The following NCKAP5 variants were observed in gnomAD, a reference collection of about 807,000 sequenced individuals.
NCKAP5 encodes NCK associated protein 5.
A neutral mutation model predicts 167.0 loss-of-function variants in NCKAP5; 92 were observed. The ratio of observed to expected loss-of-function variants is 0.55; its 90% CI spans 0.47 to 0.66. The LOEUF (loss-of-function observed/expected upper bound fraction) is 0.66. NCKAP5 is among the 30% of genes least tolerant of loss of function. The pLI is 0.00. For synonymous variants in NCKAP5, 891 were observed against 877.4 expected, an observed-to-expected ratio of 1.02 and a Z score of -0.27; for missense variants, 2,378 against 2,315.0, an observed-to-expected ratio of 1.03 and a Z score of -0.56.
intron 6 of NCKAP5, among the ~76,000 whole-genome samples, chr2:133,109,639 A>T (rs1476091292): frequency 6.6e-6 from 1 of 152,184 alleles, no homozygotes; most frequent in Non-Finnish European, 1.5e-5. Context: ...AGTAATTTAG[A>T]GTTTGATATT....
chr2:133,038,213 A>C (rs2079098443), intron 6 of NCKAP5, among the ~76,000 whole-genome samples: 1 of 152,202 alleles, frequency 6.6e-6, no homozygotes, highest in Non-Finnish European at 1.5e-5. Flanking sequence ...ATTTGGAAGG[A>C]ACTGAAGTGT....
At chr2:132,982,212 ATC>A (rs2077162779) in intron 7 of NCKAP5, among the ~76,000 whole-genome samples, 1 of 152,224 alleles carries the variant, frequency 6.6e-6, no homozygotes, top group Non-Finnish European at 1.5e-5. Flanking sequence ...ATCATACATT[ATC>A]TCTGATTGTT....
chr2:133,650,769 C>T, the NCKAP5 span, among the ~76,000 whole-genome samples: 2 of 152,052 alleles, frequency 1.3e-5, no homozygotes, highest in Admixed American at 1.3e-4. Flanking sequence ...GTAATCCCAG[C>T]TACTCAGGAG....
intron 6 of NCKAP5, among the ~76,000 whole-genome samples, chr2:133,093,386 GC>G (rs969628086): frequency 6.6e-6 from 1 of 152,150 alleles, no homozygotes; most frequent in Non-Finnish European, 1.5e-5. Context: ...AAACAGCAGT[GC>G]CTGAATACCA....
intron 3 of NCKAP5, among the ~76,000 whole-genome samples, chr2:133,458,673 T>C (rs1277349269): frequency 1.3e-5 from 2 of 152,110 alleles, no homozygotes; most frequent in Non-Finnish European, 2.9e-5. Context: ...ATTGTTGTTA[T>C]ATACACCTCC....
intron 3 of NCKAP5, among the ~76,000 whole-genome samples, chr2:133,464,603 T>C (rs1419365546): frequency 1.3e-5 from 2 of 152,156 alleles, no homozygotes; most frequent in Non-Finnish European, 2.9e-5. Flanking sequence ...GACAGGAGAA[T>C]GGTGTGAACC....
intron 3 of NCKAP5, among the ~76,000 whole-genome samples, chr2:133,360,621 G>A (rs1022948547): frequency 1.3e-5 from 2 of 152,088 alleles, no homozygotes; most frequent in Non-Finnish European, 2.9e-5. Context: ...GGGAGCCAAT[G>A]AAGTACCCTC....
chr2:133,452,513 T>A (rs1691611617), intron 3 of NCKAP5, among the ~76,000 whole-genome samples: 1 of 152,194 alleles, frequency 6.6e-6, no homozygotes, highest in Admixed American at 6.5e-5. Flanking sequence ...AAATTTCATT[T>A]GTAACTATGC....
At chr2:132,909,198 T>C (rs1694240446) in intron 8 of NCKAP5, among the ~76,000 whole-genome samples, 1 of 152,014 alleles carries the variant, frequency 6.6e-6, no homozygotes, top group Non-Finnish European at 1.5e-5. Flanking sequence ...ATGCACAAAT[T>C]AGCTACGTGT....
At chr2:132,734,420 C>A (rs1691314886) in intron 16 of NCKAP5, among the ~76,000 whole-genome samples, 1 of 152,122 alleles carries the variant, frequency 6.6e-6, no homozygotes, top group Non-Finnish European at 1.5e-5. Flanking sequence ...AGAACCGACT[C>A]AGTCTTTGAA....
chr2:133,185,531 C>A (rs74991422), intron 5 of NCKAP5, among the ~76,000 whole-genome samples: 286 of 152,040 alleles, frequency 1.9e-3, no homozygotes, highest in African/African-American at 6.7e-3. Context: ...AGAAACAGCA[C>A]TGAACCTATA....
intron 19 of NCKAP5, among the ~76,000 whole-genome samples, chr2:132,708,949 G>A (rs1177050479): frequency 1.3e-5 from 2 of 152,052 alleles, no homozygotes; most frequent in African/African-American, 4.8e-5. Flanking sequence ...TTTTGCATCT[G>A]ATTTAAGGAT....
At chr2:133,355,569 C>G (rs982881491) in intron 3 of NCKAP5, among the ~76,000 whole-genome samples, 3 of 151,930 alleles carry the variant, frequency 2.0e-5, no homozygotes, top group Non-Finnish European at 4.4e-5. Context: ...GTCAAAAGAT[C>G]TTACGGTATT....
intron 11 of NCKAP5, among the ~76,000 whole-genome samples, chr2:132,832,517 C>A (rs1406250984): frequency 6.6e-6 from 1 of 152,044 alleles, no homozygotes; most frequent in East Asian, 1.9e-4. Context: ...TCATCATCCA[C>A]CCCCCAGCCA....
intron 6 of NCKAP5, among the ~76,000 whole-genome samples, chr2:133,114,053 T>C (rs1205431297): frequency 6.6e-6 from 1 of 152,244 alleles, no homozygotes; most frequent in African/African-American, 2.4e-5. Flanking sequence ...ATAACTTGTA[T>C]ATATTTAGAC....
At chr2:133,216,038 A>G (rs1008561329) in intron 4 of NCKAP5, among the ~76,000 whole-genome samples, 12 of 152,156 alleles carry the variant, frequency 7.9e-5, no homozygotes, top group Admixed American at 7.9e-4. Flanking sequence ...AACATTTAGC[A>G]AAAGATTTGC....
intron 3 of NCKAP5, among the ~76,000 whole-genome samples, chr2:133,422,845 T>C (rs938877829): frequency 6.6e-6 from 1 of 152,182 alleles, no homozygotes; most frequent in Non-Finnish European, 1.5e-5. Flanking sequence ...CACCAAAGCA[T>C]GGCTCTCAAA....
intron 12 of NCKAP5, among the ~76,000 whole-genome samples, chr2:132,795,577 T>C (rs896901121): frequency 1.7e-4 from 26 of 151,976 alleles, no homozygotes; most frequent in Admixed American, 1.4e-3. Flanking sequence ...TCCCAACACT[T>C]TGGGAGGCCG....
intron 6 of NCKAP5, among the ~76,000 whole-genome samples, chr2:133,124,239 G>A (rs549018655): frequency 3.9e-5 from 6 of 152,106 alleles, no homozygotes; most frequent in Non-Finnish European, 8.8e-5. Context: ...TAACTATCCT[G>A]GTCAAATATG....
Sources: gnomAD v4.1 joint callset for allele counts (sites outside exome capture counted in the v4.1 genomes callset) on GRCh38, gnomAD v4.1.1 for gene constraint, MANE v1.5 for transcripts, NCBI Gene and HGNC (gene_info 2026-07-23, HGNC 2026-07-21) for gene names.